CACNB1: variants seen among roughly 807,000 people sequenced by gnomAD.
CACNB1 encodes the protein voltage-dependent L-type calcium channel subunit beta-1.
A neutral mutation model predicts 71.6 loss-of-function variants in CACNB1; 29 were observed. That is an observed-to-expected ratio of 0.40 (90% CI 0.30 to 0.55). CACNB1 has a LOEUF of 0.55. CACNB1 is among the 20% of genes least tolerant of loss of function. CACNB1 has a pLI of 0.38. For synonymous variants in CACNB1, 300 were observed against 319.6 expected (o/e 0.94, Z 0.65); for missense variants, 623 against 801.8 (o/e 0.78, Z 2.69).
rs112819934 is a variant in CACNB1 at position 39,178,943 on chromosome 17, C to A, written c.1051-864G>T. Among the ~76,000 whole-genome samples, 603 of 152,250 alleles carry A rather than the reference C, an allele frequency of 4.0e-3. 4 individuals are homozygous for A. The highest frequency in any genetic ancestry group is 0.014 in the African/African-American group (585 of 41,542). On this transcript the variant is annotated intron_variant, in intron 11 of 13. Coordinates refer to ENST00000394303, the MANE Select transcript of CACNB1 (RefSeq NM_000723.5). ...TACAGAATAGCTGTCCTGTACTCTG[C>A]CTAAATGTCAGTCTCTGGAAAATTC...
rs753422098 is a variant in CACNB1, at chr17:39,184,876, AGCAGGGAG to A, written c.649-20_649-13del. 30 of 1,483,124 alleles carry A rather than the reference AGCAGGGAG, an allele frequency of 2.0e-5. No homozygotes were observed. Among genetic ancestry groups the A allele is most frequent in the Non-Finnish European group, 2.8e-5 (30 of 1,060,896 alleles). The allele number at this position is 1,483,124 out of a possible 1,614,324, so 91.9% of individuals were successfully genotyped here. A position where few individuals can be genotyped will look rare whatever the true frequency, so the allele number is the denominator to read the frequency against. ...GGCACATGCTCTGTCTGGGGGGGGA[AGCAGGGAG>A]GGGAAACCCCAGAGTGGAGATGACA... On this transcript the variant is annotated splice_polypyrimidine_tract_variant and intron_variant, in intron 7 of 13. Coordinates refer to ENST00000394303, the MANE Select transcript of CACNB1 (RefSeq NM_000723.5).
Position 39,191,495 on chromosome 17 carries a change from T to C in CACNB1, c.270A>G (p.Leu90=), listed in dbSNP as rs1201484038. 1.9e-6 allele frequency: 3 copies of C among 1,607,082 alleles called. No individual in the cohort carries two copies. The highest frequency in any genetic ancestry group is 2.7e-5 in the African/African-American group (2 of 74,374). The stretch of plus-strand genomic sequence containing the variant: ...TCACCTTGGCCTTCTCGAGCTGCGC[T>C]AATGCCTGGCGCTCTGCTTCCTTCC... ...ALRKEAERQA[L]AQLEKAKTKP... Residue 90 remains leucine (L), a synonymous_variant, in exon 3 of 14, where the codon TTA becomes TTG. Transcript: ENST00000394303.
chr17:39,196,148 G>T (rs2046196754), intron 1 of CACNB1, among the ~76,000 whole-genome samples: 1 of 152,138 alleles, frequency 6.6e-6, no homozygotes, highest in African/African-American at 2.4e-5. Context: ...TGACCAGACT[G>T]GGGGCTTTGG....
At chr17:39,195,193 G>C in intron 1 of CACNB1, 1 of 467,366 alleles carries the variant, frequency 2.1e-6, no homozygotes, top group Admixed American at 3.9e-5. Context: ...ACCAGTGCAA[G>C]AGAGCCCCAG....
intron 1 of CACNB1, among the ~76,000 whole-genome samples, chr17:39,197,079 T>G (rs1307993418): frequency 7.5e-6 from 1 of 132,740 alleles, no homozygotes; most frequent in Non-Finnish European, 1.6e-5. Context: ...TCTTTCAACC[T>G]CCCCTTCTCA....
At chr17:39,188,173 C>T (rs772743381) in intron 3 of CACNB1, among the ~76,000 whole-genome samples, 2 of 152,086 alleles carry the variant, frequency 1.3e-5, no homozygotes, top group Non-Finnish European at 2.9e-5. Context: ...ATCCCAGCTA[C>T]TCAGGGGGCT....
chr17:39,197,126 A>G (rs2046217073), intron 1 of CACNB1, among the ~76,000 whole-genome samples: 1 of 151,706 alleles, frequency 6.6e-6, no homozygotes, highest in Non-Finnish European at 1.5e-5. Flanking sequence ...CCCCACGCTC[A>G]GCCCACTGAA....
chr17:39,193,389 C>A, intron 2 of CACNB1: 1 of 406,680 alleles, frequency 2.5e-6, no homozygotes, highest in South Asian at 1.7e-5. Flanking sequence ...AGGCTGCCCT[C>A]CGTCAGCTTT....
intron 12 of CACNB1, 86 bp downstream of exon 12, chr17:39,177,898 C>A: frequency 9.4e-7 from 1 of 1,067,174 alleles, no homozygotes; most frequent in South Asian, 1.3e-5. Flanking sequence ...TGTTCCTGGT[C>A]ACCCTGTCTC....
chr17:39,187,624 G>A lies in CACNB1; in HGVS notation c.292-23C>T, dbSNP rs752903717. On this transcript the variant is annotated intron_variant, in intron 3 of 13. Transcript: ENST00000394303. ...GGTCTAGAGGAGGCACACAGGGGAG[G>A]ATGGCAACTAGAGGGCAAACCACAA... 4.3e-5 allele frequency: 70 copies of A among 1,613,794 alleles called. 1 individual carries two copies. The highest frequency in any genetic ancestry group is 1.7e-5 in the Admixed American group (1 of 59,992).
intron 2 of CACNB1, chr17:39,193,061 C>A: frequency 5.7e-6 from 1 of 176,904 alleles, no homozygotes. Flanking sequence ...CATGCGCGTG[C>A]ACACACACAC....
Position 39,177,392 on chromosome 17 carries a change from G to A in CACNB1, c.1290C>T (p.Thr430=), listed in dbSNP as rs916998970. The A allele has an allele frequency of 6.8e-6, 11 of 1,613,294 alleles. No homozygotes were observed. Among genetic ancestry groups the A allele is most frequent in the South Asian group, 4.4e-5 (4 of 90,948 alleles). The stretch of plus-strand genomic sequence containing the variant: ...GGGCAGGGCTGGCAGCCAGGGCTGC[G>A]GTAGCCATGGTGCGGTTCAGCAGCG... ...PNPLLNRTMA[T]AALAASPAPV... The change falls in exon 13 of 14, where the codon ACC becomes ACT. Residue 430 remains threonine (T), a synonymous_variant. Coordinates refer to ENST00000394303, the MANE Select transcript of CACNB1 (RefSeq NM_000723.5).
intron 3 of CACNB1, among the ~76,000 whole-genome samples, chr17:39,188,581 A>G (rs974029283): frequency 4.6e-5 from 7 of 152,166 alleles, no homozygotes; most frequent in Admixed American, 4.6e-4. Context: ...CAAAAAAAAA[A>G]AATGTATACT....
Position 39,175,170 on chromosome 17 carries a change from TCCCGCCGTGTGG to T in CACNB1, c.*11_*22del. ...CCTCCCCTGGGCTCAGAGCCCTTCCTCCCGCCGTGTGGCCCCTGCCTCTCAGCGAATGTAGAC... is the reference window on the plus strand; with the variant it reads ...CCTCCCCTGGGCTCAGAGCCCTTCCTCCCCTGCCTCTCAGCGAATGTAGAC... On this transcript the variant is annotated 3_prime_UTR_variant, in exon 14 of 14. Coordinates refer to ENST00000394303, the MANE Select transcript of CACNB1 (RefSeq NM_000723.5). The surrounding 1 kb of genome is among the most constrained non-coding windows in gnomAD (Gnocchi z 4.7). 6.3e-7 allele frequency: 1 copy of T among 1,576,292 alleles called. No individual in the cohort carries two copies. Among genetic ancestry groups the T allele is most frequent in the Non-Finnish European group, 8.7e-7 (1 of 1,153,828 alleles).
chr17:39,177,057 G>T (rs2045596940), intron 13 of CACNB1: 18 of 1,329,742 alleles, frequency 1.4e-5, no homozygotes, highest in East Asian at 2.7e-5. Context: ...GCGGGCAGCA[G>T]ATGCGCTCCT....
At chr17:39,182,933 T>A in intron 11 of CACNB1, 3 of 982,870 alleles carry the variant, frequency 3.1e-6, no homozygotes, top group Non-Finnish European at 2.4e-6. Context: ...GAGCTTGAAT[T>A]TCAAGCCCAT....
In CACNB1 at chr17:39,186,739, G is replaced by C; in HGVS notation, c.551+54C>G. 1 of 1,605,474 alleles carries C rather than the reference G, an allele frequency of 6.2e-7. No individual in the cohort carries two copies. The highest frequency in any genetic ancestry group is 1.1e-5 in the South Asian group (1 of 90,570). ...CAACCATTGAGGCCTAGTCCAGGCTGTATGGCCTCTCCTGGGGTTGGCAGC... is the reference window on the plus strand; with the variant it reads ...CAACCATTGAGGCCTAGTCCAGGCTCTATGGCCTCTCCTGGGGTTGGCAGC... On this transcript the variant is annotated intron_variant, in intron 5 of 13. Transcript: ENST00000394303. The surrounding 1 kb of genome is among the most constrained non-coding windows in gnomAD (Gnocchi z 4.1).
chr17:39,184,199 C>G, intron 9 of CACNB1, 59 bp from the exon 10 acceptor site: 1 of 1,340,822 alleles, frequency 7.5e-7, no homozygotes, highest in Non-Finnish European at 1.1e-6. Flanking sequence ...GCCCTGCCCA[C>G]TCCCCAGTTC....
In CACNB1 at chr17:39,183,706, C is replaced by G; in HGVS notation, c.1050+7G>C. On this transcript the variant is annotated splice_region_variant and intron_variant, in intron 11 of 13. Coordinates refer to ENST00000394303, the MANE Select transcript of CACNB1 (RefSeq NM_000723.5). ...TGTCCTGGCCAGGGTCAGGCTCCTG[C>G]ACCCACCTTGGGAGAGGTGATCTTG... The G allele has an allele frequency of 1.3e-6, 2 of 1,588,182 alleles. No individual in the cohort carries two copies. The highest frequency in any genetic ancestry group is 1.7e-6 in the Non-Finnish European group (2 of 1,166,096).
Sources: allele counts gnomAD v4.1 joint callset (sites outside exome capture counted in the v4.1 genomes callset), GRCh38; gene constraint gnomAD v4.1.1; non-coding constraint Gnocchi (gnomAD v3.1); transcripts MANE v1.5; gene names NCBI Gene and HGNC (gene_info 2026-07-23, HGNC 2026-07-21).